Variants in PRKAG2 observed in about 807,000 individuals in gnomAD.
The protein encoded by PRKAG2 is 5'-AMP-activated protein kinase subunit gamma-2.
PRKAG2 carries 26 observed loss-of-function variants against 69.6 expected under a neutral mutation model. The observed-to-expected ratio is 0.37, with a 90% CI of 0.27 to 0.52. PRKAG2 has a LOEUF of 0.52. Among genes scored for constraint, PRKAG2 ranks in the 20% least tolerant of loss-of-function variants. The pLI is 0.90. For missense variants in PRKAG2, 557 were observed against 740.0 expected (o/e 0.75, Z 2.87); for synonymous variants, 293 against 285.0 (o/e 1.03, Z -0.28).
At chr7:151,730,864 G>A (rs924437635) in intron 3 of PRKAG2, among the ~76,000 whole-genome samples, 21 of 152,194 alleles carry the variant, frequency 1.4e-4, no homozygotes, top group African/African-American at 4.1e-4. Flanking sequence ...AAGCCGTTGC[G>A]TAGTCATGCG....
intron 3 of PRKAG2, among the ~76,000 whole-genome samples, chr7:151,773,182 G>A (rs1203875649): frequency 1.4e-5 from 2 of 146,614 alleles, no homozygotes; most frequent in Non-Finnish European, 3.0e-5. Flanking sequence ...AGGAAGGAAG[G>A]AAGGAAAGAA....
chr7:151,680,124 G>C (rs1438601764), intron 3 of PRKAG2, among the ~76,000 whole-genome samples: 1 of 152,096 alleles, frequency 6.6e-6, no homozygotes, highest in Non-Finnish European at 1.5e-5. Flanking sequence ...AGAGGAAACA[G>C]GTACTCTGTG....
At chr7:151,663,075 AAAAAC>A (rs1245543413) in intron 4 of PRKAG2, among the ~76,000 whole-genome samples, 1 of 152,202 alleles carries the variant, frequency 6.6e-6, no homozygotes, top group Non-Finnish European at 1.5e-5. Context: ...CCAAAATTTA[AAAAAC>A]AAAACAAAAC....
rs553692035 is a variant in PRKAG2, at chr7:151,835,708, T to C, written c.114+40799A>G. On this transcript the variant is annotated intron_variant, in intron 1 of 15. Coordinates refer to ENST00000287878, the MANE Select transcript of PRKAG2 (RefSeq NM_016203.4). This position sits in a 1 kb window ranked among gnomAD's most constrained non-coding sequence, Gnocchi z 4.1. ...CACAAGGAGACTGACCCAGGTCCTG[T>C]TGCAGGACAGTCACCCAGCATCCTG... 6.6e-6 allele frequency among the ~76,000 whole-genome samples: 1 copy of C among 152,170 alleles called. No individual in the cohort carries two copies. The highest frequency in any genetic ancestry group is 2.4e-5 in the African/African-American group (1 of 41,444).
chr7:151,691,715 T>G (rs974603624), intron 3 of PRKAG2, among the ~76,000 whole-genome samples: 1 of 152,226 alleles, frequency 6.6e-6, no homozygotes, highest in Non-Finnish European at 1.5e-5. Context: ...TTGTCACTGG[T>G]GGAAATACAA....
rs142482217 is a variant in PRKAG2, at chr7:151,781,378, G to T, written c.240C>A (p.Gly80=). Residue 80 remains glycine, a synonymous_variant, in exon 3 of 16, where the codon GGC becomes GGA. Transcript: ENST00000287878. This position sits in a 1 kb window ranked among gnomAD's most constrained non-coding sequence, Gnocchi z 6.1. ...GSPSKGFFSR[G]PQPRPSSPMS... ...TGGGGCTGGAGGGCCGGGGCTGGGGGCCTCTGGAGAAGAACCCTTTGGAGG... is the reference window on the plus strand; with the variant it reads ...TGGGGCTGGAGGGCCGGGGCTGGGGTCCTCTGGAGAAGAACCCTTTGGAGG... 242 of 1,612,690 alleles carry T rather than the reference G, an allele frequency of 1.5e-4. 4 individuals are homozygous for T. The Middle Eastern group carries it at 2.8e-3, about 19-fold the overall frequency.
intron 2 of PRKAG2, among the ~76,000 whole-genome samples, chr7:151,784,427 C>G (rs138604183): frequency 2.8e-3 from 423 of 152,304 alleles, no homozygotes; most frequent in African/African-American, 9.6e-3. Flanking sequence ...GCCGAAGCAC[C>G]ATAAGCACCA....
intron 3 of PRKAG2, among the ~76,000 whole-genome samples, chr7:151,711,978 G>T (rs1172997577): frequency 6.6e-6 from 1 of 152,226 alleles, no homozygotes; most frequent in Admixed American, 6.5e-5. Context: ...CCTCCTCTGG[G>T]TTTCCCAGGC....
intron 3 of PRKAG2, among the ~76,000 whole-genome samples, chr7:151,746,024 A>C (rs1563578764): frequency 6.6e-6 from 1 of 152,176 alleles, no homozygotes; most frequent in Admixed American, 6.5e-5. Flanking sequence ...TGAAAACCAG[A>C]TTCTGAAACT....
intron 1 of PRKAG2, among the ~76,000 whole-genome samples, chr7:151,859,847 C>T (rs1241062435): frequency 6.6e-6 from 1 of 152,254 alleles, no homozygotes; most frequent in African/African-American, 2.4e-5. Flanking sequence ...AGCTGTCCCT[C>T]ACTCCCATTT....
chr7:151,847,246 C>T (rs927256073), intron 1 of PRKAG2, among the ~76,000 whole-genome samples: 2 of 152,118 alleles, frequency 1.3e-5, no homozygotes, highest in Non-Finnish European at 2.9e-5. Flanking sequence ...ACTGTGTGGC[C>T]GAGATGGTAC....
chr7:151,680,756 C>T (rs1282715527), intron 3 of PRKAG2, among the ~76,000 whole-genome samples: 3 of 152,216 alleles, frequency 2.0e-5, no homozygotes, highest in Admixed American at 6.5e-5. Context: ...TGCCCCGACG[C>T]GCCCCCCAGC....
In PRKAG2 at chr7:151,807,278, C is replaced by T; in HGVS notation, c.115-20737G>A. 1 of 395,012 alleles carries T rather than the reference C, an allele frequency of 2.5e-6. No individual in the cohort carries two copies. Among genetic ancestry groups the T allele is most frequent in the Non-Finnish European group, 5.1e-6 (1 of 194,272 alleles). The allele number at this position is 395,012 out of a possible 1,614,324, so 24.5% of individuals were successfully genotyped here. A position where few individuals can be genotyped will look rare whatever the true frequency, so the allele number is the denominator to read the frequency against. On this transcript the variant is annotated intron_variant, in intron 1 of 15. Transcript: ENST00000287878. This position sits in a 1 kb window ranked among gnomAD's most constrained non-coding sequence, Gnocchi z 4.4. Reference sequence around the variant, plus strand: ...GTGGCCAGTCAGCCACCAGCAGACCCATGGGATAGGGGAAGAAAAACAAGC... The same window carrying T: ...GTGGCCAGTCAGCCACCAGCAGACCTATGGGATAGGGGAAGAAAAACAAGC...
chr7:151,828,084 G>A lies in PRKAG2; in HGVS notation c.115-41543C>T, dbSNP rs2078948293. ...ATCCCAAGTGGATCCAGGTGCACTG[G>A]GCCACCCATTCACCCAGCAAGCACA... On this transcript the variant is annotated intron_variant, in intron 1 of 15. Coordinates refer to ENST00000287878, the MANE Select transcript of PRKAG2 (RefSeq NM_016203.4). The surrounding 1 kb of genome is among the most constrained non-coding windows in gnomAD (Gnocchi z 4.6). Among the ~76,000 whole-genome samples the A allele has an allele frequency of 6.6e-6, 1 of 152,206 alleles. No homozygotes were observed. The highest frequency in any genetic ancestry group is 1.5e-5 in the Non-Finnish European group (1 of 68,036).
At chr7:151,666,344 G>A (rs1585610220) in intron 4 of PRKAG2, among the ~76,000 whole-genome samples, 1 of 152,168 alleles carries the variant, frequency 6.6e-6, no homozygotes, top group East Asian at 1.9e-4. Flanking sequence ...GAGCTGCCAA[G>A]GATGAAAGCA....
At chr7:151,862,455 T>C (rs2079955323) in intron 1 of PRKAG2, among the ~76,000 whole-genome samples, 1 of 152,220 alleles carries the variant, frequency 6.6e-6, no homozygotes, top group South Asian at 2.1e-4. Context: ...GTCGTCGAGT[T>C]AACTAAGCAT....
Position 151,752,646 on chromosome 7 carries a change from T to C in PRKAG2, c.466+28506A>G, listed in dbSNP as rs529479396. ...ACAAATCCATGAGTCCATAGATACA[T>C]ACACACACAGGGAGAGAAGAAAAAC... On this transcript the variant is annotated intron_variant, in intron 3 of 15. Transcript: ENST00000287878. Among the ~76,000 whole-genome samples, 5 of 152,260 alleles carry C rather than the reference T, an allele frequency of 3.3e-5. No individual in the cohort carries two copies. In the South Asian group the frequency reaches 1.0e-3, roughly 32 times the overall value.
chr7:151,709,613 G>T (rs768553881), intron 3 of PRKAG2, among the ~76,000 whole-genome samples: 2 of 152,062 alleles, frequency 1.3e-5, no homozygotes, highest in East Asian at 1.9e-4. Context: ...ACTGAATGAC[G>T]AGTGACACTG....
chr7:151,631,628 C>CA (rs1181565975), intron 5 of PRKAG2: 3 of 454,224 alleles, frequency 6.6e-6, no homozygotes, highest in South Asian at 3.1e-5. Flanking sequence ...AAAAAGAAGA[C>CA]ACACCCTACC....
Sources: gnomAD v4.1 joint callset for allele counts (sites outside exome capture counted in the v4.1 genomes callset) on GRCh38, gnomAD v4.1.1 for gene constraint, Gnocchi (gnomAD v3.1) non-coding constraint, MANE v1.5 for transcripts, NCBI Gene and HGNC (gene_info 2026-07-23, HGNC 2026-07-21) for gene names.